Variants in FRAS1 observed in about 807,000 individuals in gnomAD.
FRAS1 encodes Fraser extracellular matrix complex subunit 1.
FRAS1 carries 290 observed loss-of-function variants against 435.2 expected under a neutral mutation model. That is an observed-to-expected ratio of 0.67 (90% CI 0.61 to 0.73). The LOEUF (loss-of-function observed/expected upper bound fraction) is 0.73, where lower values mean the gene tolerates loss of function less well. FRAS1 is among the 30% of genes least tolerant of loss of function. The pLI, the probability that FRAS1 is intolerant of heterozygous loss-of-function variation, is 0.00. For synonymous variants in FRAS1, 1,800 were observed against 1,851.0 expected, an observed-to-expected ratio of 0.97 and a Z score of 0.71; for missense variants, 4,860 against 5,001.5, an observed-to-expected ratio of 0.97 and a Z score of 0.85.
At chr4:78,522,898 G>C in intron 69 of FRAS1, 90 bp downstream of exon 69, 1 of 1,154,818 alleles carries the variant, frequency 8.7e-7, no homozygotes, top group Non-Finnish European at 1.2e-6. Flanking sequence ...TCCTCTGAAG[G>C]CTAGACTTTT....
intron 2 of FRAS1, among the ~76,000 whole-genome samples, chr4:78,105,290 A>T (rs1169919457): frequency 6.6e-6 from 1 of 152,226 alleles, no homozygotes; most frequent in Non-Finnish European, 1.5e-5. Context: ...TATATTGTCC[A>T]TCCACAATCC....
chr4:78,147,493 A>G (rs570632010), intron 2 of FRAS1, among the ~76,000 whole-genome samples: 2 of 152,278 alleles, frequency 1.3e-5, no homozygotes, highest in Admixed American at 6.5e-5. Context: ...AGGTATAATT[A>G]TAGCACTTAT....
At position 78,369,164 on chromosome 4, in the gene FRAS1, G is replaced by T. The variant is rs1047074245; in HGVS notation, c.2723-674G>T. ...TTATATCGGAGAGTTTGAATAAATA[G>T]GATCCAGTGAGTAACTGGATTAGGA... is the stretch of plus-strand genomic sequence containing the variant. On this transcript the variant is annotated intron_variant, in intron 22 of 73. Transcript: ENST00000512123. Among the ~76,000 whole-genome samples, 16 of 152,316 alleles carry T rather than the reference G, an allele frequency of 1.1e-4. No individual in the cohort carries two copies. In the East Asian group the frequency reaches 1.3e-3, roughly 13 times the overall value.
intron 47 of FRAS1, among the ~76,000 whole-genome samples, chr4:78,462,950 A>C (rs114636651): frequency 6.6e-6 from 1 of 152,184 alleles, no homozygotes; most frequent in South Asian, 2.1e-4. Context: ...ATATGAGTCA[A>C]TGTAGAATCT....
chr4:78,091,385 T>C (rs189007382), intron 2 of FRAS1, among the ~76,000 whole-genome samples: 1 of 152,228 alleles, frequency 6.6e-6, no homozygotes. Flanking sequence ...AAGAGAAATC[T>C]AGTTAATAGG....
At chr4:78,217,830 C>CCTTCCCCTCTCCTCT (rs1723837381) in intron 2 of FRAS1, among the ~76,000 whole-genome samples, 1 of 106,034 alleles carries the variant, frequency 9.4e-6, no homozygotes, top group Non-Finnish European at 2.0e-5. Context: ...CCTCCCCTCC[C>CCTTCCCCTCTCCTCT]CTTCCCCTCT....
rs753140442 is a variant in FRAS1 at position 78,375,886 on chromosome 4, G to C, written c.3292+7G>C. The C allele has an allele frequency of 6.2e-7, 1 of 1,613,714 alleles. No homozygotes were observed. The highest frequency in any genetic ancestry group is 1.7e-5 in the Admixed American group (1 of 59,998). On this transcript the variant is annotated splice_region_variant and intron_variant, in intron 26 of 73. Coordinates refer to ENST00000512123, the MANE Select transcript of FRAS1 (RefSeq NM_025074.7). Reference sequence around the variant, plus strand: ...TCTAATGAAACATGTTCTGGTAAGTGCTTCTCCTCAGATGGTCTGGTGAAT... The same window carrying C: ...TCTAATGAAACATGTTCTGGTAAGTCCTTCTCCTCAGATGGTCTGGTGAAT...
At chr4:78,298,066 T>TTA (rs150382170) in intron 14 of FRAS1, among the ~76,000 whole-genome samples, 2 of 142,474 alleles carry the variant, frequency 1.4e-5, no homozygotes, top group Non-Finnish European at 3.0e-5. Flanking sequence ...CTAATCCTCT[T>TTA]TATATATATA....
At chr4:78,401,410 T>C (rs894139194) in intron 30 of FRAS1, among the ~76,000 whole-genome samples, 2 of 152,126 alleles carry the variant, frequency 1.3e-5, no homozygotes, top group East Asian at 3.9e-4. Context: ...ATAACAAGAA[T>C]TATAAGGTGT....
At chr4:78,159,836 A>G (rs1216151015) in intron 2 of FRAS1, among the ~76,000 whole-genome samples, 1 of 152,170 alleles carries the variant, frequency 6.6e-6, no homozygotes, top group East Asian at 1.9e-4. Context: ...AGCTGAGATC[A>G]TGTCATTGCA....
intron 25 of FRAS1, among the ~76,000 whole-genome samples, chr4:78,374,521 C>T (rs1255027917): frequency 3.3e-5 from 5 of 152,174 alleles, no homozygotes; most frequent in East Asian, 3.9e-4. Flanking sequence ...TGGAATGTAA[C>T]GCTTCTATTG....
intron 2 of FRAS1, among the ~76,000 whole-genome samples, chr4:78,082,233 A>G (rs1740931721): frequency 1.3e-5 from 2 of 152,080 alleles, no homozygotes; most frequent in Non-Finnish European, 2.9e-5. Flanking sequence ...TATTGAAAAT[A>G]TATGTCCTTT....
At chr4:78,384,926 A>C (rs979808221) in intron 28 of FRAS1, among the ~76,000 whole-genome samples, 5 of 147,014 alleles carry the variant, frequency 3.4e-5, no homozygotes, top group Non-Finnish European at 7.7e-5. Context: ...AAAAAAAAAA[A>C]AAAGACTGTC....
intron 9 of FRAS1, among the ~76,000 whole-genome samples, chr4:78,270,492 C>T (rs941578949): frequency 1.3e-5 from 2 of 152,080 alleles, no homozygotes; most frequent in African/African-American, 2.4e-5. Context: ...TTGCTATAAG[C>T]TTTAATTTCC....
chr4:78,524,176 G>A lies in FRAS1; in HGVS notation c.10808+1368G>A, dbSNP rs147470404. Among the ~76,000 whole-genome samples the A allele has an allele frequency of 8.6e-4, 131 of 152,282 alleles. 1 individual carries two copies. In the Middle Eastern group the frequency reaches 0.024, roughly 28 times the overall value. ...GCTGGTCCCAGTTTTTCACTAGATTGTGAGCTTCTCCAGAGTAGAAGGCAC... is the reference window on the plus strand; with the variant it reads ...GCTGGTCCCAGTTTTTCACTAGATTATGAGCTTCTCCAGAGTAGAAGGCAC... On this transcript the variant is annotated intron_variant, in intron 69 of 73. Coordinates refer to ENST00000512123, the MANE Select transcript of FRAS1 (RefSeq NM_025074.7).
At chr4:78,252,211 C>G (rs1725564439) in intron 4 of FRAS1, among the ~76,000 whole-genome samples, 181 bp from the exon 5 acceptor site, 1 of 152,106 alleles carries the variant, frequency 6.6e-6, no homozygotes, top group Admixed American at 6.6e-5. Context: ...CATGTTTAAA[C>G]TGGCCTTTGA....
At chr4:78,185,611 G>A (rs111600246) in intron 2 of FRAS1, among the ~76,000 whole-genome samples, 2,526 of 152,232 alleles carry the variant, frequency 0.017, 50 homozygotes, top group African/African-American at 0.049. Context: ...GTGACCAGAC[G>A]CCTTGCATTC....
Position 78,515,830 on chromosome 4 carries a change from T to A in FRAS1, c.10206T>A (p.Asp3402Glu), listed in dbSNP as rs1302738280. The A allele has an allele frequency of 6.2e-7, 1 of 1,614,042 alleles. No homozygotes were observed. The highest frequency in any genetic ancestry group is 1.7e-5 in the Admixed American group (1 of 60,028). ...EAGFLDDVVY[D>E]STALGPGYDR... is the part of the protein sequence containing the mutation. ...GGTTCCTGGATGATGTGGTCTATGATAGCACTGCCCTGGGGCCTGGCTACG... is the reference window on the plus strand; with the variant it reads ...GGTTCCTGGATGATGTGGTCTATGAAAGCACTGCCCTGGGGCCTGGCTACG... The change falls in exon 66 of 74, where the codon GAT (aspartate) becomes GAA (glutamate). Residue 3402 changes from aspartate (D) to glutamate (E), a missense_variant. Physicochemically the swap from Asp to Glu is conservative, Grantham distance 45. Transcript: ENST00000512123.
At chr4:78,335,091 G>A (rs1730119770) in intron 19 of FRAS1, among the ~76,000 whole-genome samples, 1 of 152,098 alleles carries the variant, frequency 6.6e-6, no homozygotes, top group South Asian at 2.1e-4. Flanking sequence ...ATGAAATTTG[G>A]CAACTGGGAC....
Sources: gnomAD v4.1 joint callset for allele counts (sites outside exome capture counted in the v4.1 genomes callset) on GRCh38, gnomAD v4.1.1 for gene constraint, MANE v1.5 for transcripts, NCBI Gene and HGNC (gene_info 2026-07-23, HGNC 2026-07-21) for gene names.